DZANK1: variants seen among roughly 807,000 people sequenced by gnomAD.
DZANK1 encodes the protein double zinc ribbon and ankyrin repeat-containing protein 1.
A neutral mutation model predicts 94.5 loss-of-function variants in DZANK1; 91 were observed. The ratio of observed to expected loss-of-function variants is 0.96; its 90% CI spans 0.81 to 1.15. DZANK1 has a LOEUF of 1.15. DZANK1 is among the 50% of genes most tolerant of loss of function. DZANK1 has a pLI of 0.00. For synonymous variants in DZANK1, 312 were observed against 325.3 expected, an observed-to-expected ratio of 0.96 and a Z score of 0.44; for missense variants, 903 against 916.4, an observed-to-expected ratio of 0.99 and a Z score of 0.19.
At chr20:18,398,719 A>T (rs2056502578) in intron 13 of DZANK1, 93 bp from the exon 14 acceptor site, 2 of 1,263,450 alleles carry the variant, frequency 1.6e-6, no homozygotes, top group Admixed American at 3.8e-5. Context: ...TAGAGAGGTT[A>T]ATTTCCTTTG....
chr20:18,411,776 T>G (rs1297097759), intron 13 of DZANK1, among the ~76,000 whole-genome samples: 1 of 152,214 alleles, frequency 6.6e-6, no homozygotes, highest in Non-Finnish European at 1.5e-5. Flanking sequence ...GGGTAATTTA[T>G]AAAGAACAGG....
chr20:18,462,738 G>A (rs1353064920), intron 2 of DZANK1, among the ~76,000 whole-genome samples: 4 of 151,944 alleles, frequency 2.6e-5, no homozygotes, highest in Non-Finnish European at 4.4e-5. Flanking sequence ...GTTCACATCT[G>A]TAATCCCAGC....
chr20:18,453,923 T>C, intron 4 of DZANK1, 96 bp from the exon 5 acceptor site: 1 of 853,934 alleles, frequency 1.2e-6, no homozygotes. Flanking sequence ...GCATTTCTTA[T>C]TTGAAAGAGT....
Position 18,389,608 on chromosome 20 carries a change from C to G in DZANK1, c.2018+93G>C. 6.6e-6 allele frequency: 10 copies of G among 1,512,650 alleles called. No individual in the cohort carries two copies. In the South Asian group the frequency reaches 1.1e-4, roughly 17 times the overall value. 93.7% of individuals were successfully genotyped at this position (1,512,650 alleles called of 1,614,324 possible). A position where few individuals can be genotyped will look rare whatever the true frequency, so the allele number is the denominator to read the frequency against. ...AATGGTTAAAGTGGCTGAAACTGAA[C>G]AGGGTGTGTGTGTAGACCGCTTCTG... is the stretch of plus-strand genomic sequence containing the variant. On this transcript the variant is annotated intron_variant, in intron 19 of 20. Transcript: ENST00000262547.
chr20:18,410,269 A>C (rs1379451148), intron 13 of DZANK1, among the ~76,000 whole-genome samples: 1 of 152,206 alleles, frequency 6.6e-6, no homozygotes, highest in East Asian at 1.9e-4. Context: ...TTATATTAGA[A>C]AATAATGCCA....
In DZANK1 at chr20:18,456,430, A is replaced by C. The variant is rs1437782980; in HGVS notation, c.264-1069T>G. Among the ~76,000 whole-genome samples, 4 of 152,360 alleles carry C rather than the reference A, an allele frequency of 2.6e-5. No homozygotes were observed. In the East Asian group the frequency reaches 7.7e-4, roughly 29 times the overall value. On this transcript the variant is annotated intron_variant, in intron 3 of 20. Transcript: ENST00000262547. Reference sequence around the variant, plus strand: ...ACAGCTTTATTGAGGTATAATTTACATGACATAAAATTCATCTATTTTAAG... The same window carrying C: ...ACAGCTTTATTGAGGTATAATTTACCTGACATAAAATTCATCTATTTTAAG...
intron 14 of DZANK1, chr20:18,398,269 T>A: frequency 2.2e-6 from 1 of 462,340 alleles, no homozygotes; most frequent in Non-Finnish European, 4.0e-6. Context: ...ATTTCCAATG[T>A]GACATCTGAG....
chr20:18,455,123 G>A (rs766514648), intron 4 of DZANK1, 124 bp downstream of exon 4: 30 of 665,970 alleles, frequency 4.5e-5, no homozygotes, highest in Non-Finnish European at 7.4e-5. Flanking sequence ...GGTTGATAAT[G>A]ACTTCAGTTA....
chr20:18,397,756 T>A (rs1244366867), intron 14 of DZANK1, among the ~76,000 whole-genome samples: 1 of 152,104 alleles, frequency 6.6e-6, no homozygotes, highest in Non-Finnish European at 1.5e-5. Context: ...GTCTAGTCAC[T>A]CATGTGGCTC....
At chr20:18,407,757 T>G (rs1340389766) in intron 13 of DZANK1, among the ~76,000 whole-genome samples, 1 of 152,186 alleles carries the variant, frequency 6.6e-6, no homozygotes, top group Non-Finnish European at 1.5e-5. Context: ...GTAGAAATTC[T>G]AGAGTTGGAA....
chr20:18,414,218 G>C, intron 12 of DZANK1, 130 bp downstream of exon 12: 1 of 1,087,316 alleles, frequency 9.2e-7, no homozygotes, highest in African/African-American at 1.6e-5. Context: ...TACACACCTA[G>C]TTGAAATTCC....
exon 21 of DZANK1, chr20:18,383,441 G>A (rs2048306232): frequency 6.6e-6 from 1 of 152,074 alleles, no homozygotes; most frequent in African/African-American, 2.4e-5. Context: ...TGGGAATATT[G>A]ATGATTTCAA....
Position 18,453,087 on chromosome 20 carries a change from A to G in DZANK1, c.476-405T>C, listed in dbSNP as rs542697282. ...ATGTCGTTAGCAGCCCCCTCTTTGC[A>G]TGCCTTGTCTTTCTTACTCACTGAG... On this transcript the variant is annotated intron_variant, in intron 5 of 20. Transcript: ENST00000262547. Among the ~76,000 whole-genome samples, 5 of 152,316 alleles carry G rather than the reference A, an allele frequency of 3.3e-5. No individual in the cohort carries two copies. In the South Asian group the frequency reaches 1.0e-3, roughly 32 times the overall value.
chr20:18,391,123 A>T (rs1192452689), intron 17 of DZANK1, among the ~76,000 whole-genome samples: 2 of 152,190 alleles, frequency 1.3e-5, no homozygotes, highest in African/African-American at 4.8e-5. Flanking sequence ...TCCAGGAAGC[A>T]GAGGTTGCAG....
rs139069218 is a variant in DZANK1, at chr20:18,420,545, T to C, written c.955-5096A>G. On this transcript the variant is annotated intron_variant, in intron 10 of 20. Coordinates refer to ENST00000262547, the Ensembl canonical transcript of DZANK1. Reference sequence around the variant, plus strand: ...CTCCATAAACTTTTGGGTTTTTTCATCCTCTAGCACATGCCCCACATACTC... The same window carrying C: ...CTCCATAAACTTTTGGGTTTTTTCACCCTCTAGCACATGCCCCACATACTC... 775 of 217,008 alleles carry C rather than the reference T, an allele frequency of 3.6e-3. 16 individuals carry two copies. Among genetic ancestry groups the C allele is most frequent in the Admixed American group, 0.029 (687 of 23,616 alleles). 13.4% of individuals were successfully genotyped at this position (217,008 alleles called of 1,614,324 possible). A position where few individuals can be genotyped will look rare whatever the true frequency, so the allele number is the denominator to read the frequency against.
chr20:18,394,150 A>G (rs1455078648), intron 16 of DZANK1, 104 bp downstream of exon 16: 1 of 971,518 alleles, frequency 1.0e-6, no homozygotes, highest in Non-Finnish European at 1.6e-6. Flanking sequence ...TAACTGCAAG[A>G]TCTGTGACCG....
intron 19 of DZANK1, among the ~76,000 whole-genome samples, chr20:18,385,688 G>C (rs904484531): frequency 6.6e-6 from 1 of 152,124 alleles, no homozygotes; most frequent in Non-Finnish European, 1.5e-5. Flanking sequence ...AGTGCTGGGA[G>C]GACACAGTCT....
chr20:18,451,995 G>T (rs768686428), intron 6 of DZANK1: 1 of 510,354 alleles, frequency 2.0e-6, no homozygotes, highest in Non-Finnish European at 3.9e-6. Context: ...AATTAGAATA[G>T]AATTCAAACT....
At chr20:18,440,934 T>C (rs1303734433) in intron 8 of DZANK1, among the ~76,000 whole-genome samples, 1 of 152,188 alleles carries the variant, frequency 6.6e-6, no homozygotes, top group Non-Finnish European at 1.5e-5. Context: ...GTCCCCAACA[T>C]ATACAATACA....
Sources: gnomAD v4.1 joint callset for allele counts (sites outside exome capture counted in the v4.1 genomes callset) on GRCh38, gnomAD v4.1.1 for gene constraint, MANE v1.5 for transcripts, NCBI Gene and HGNC (gene_info 2026-07-23, HGNC 2026-07-21) for gene names.